Variants in LDLRAD3 observed in about 807,000 individuals in gnomAD.
LDLRAD3 encodes the protein low-density lipoprotein receptor class A domain-containing protein 3.
A neutral mutation model predicts 29.4 loss-of-function variants in LDLRAD3; 20 were observed. The observed-to-expected ratio is 0.68, with a 90% CI of 0.48 to 0.99. The LOEUF is 0.99. Among genes scored for constraint, LDLRAD3 ranks in the 50% least tolerant of loss-of-function variants. The probability of loss-of-function intolerance (pLI) is 0.00; values close to 1 mark genes in which losing one functional copy is unlikely to be tolerated. For missense variants in LDLRAD3, 420 were observed against 454.3 expected (o/e 0.92, Z 0.69); for synonymous variants, 157 against 192.7 (o/e 0.81, Z 1.53).
intron 1 of LDLRAD3, among the ~76,000 whole-genome samples, chr11:35,946,141 T>G (rs1035002428): frequency 6.6e-6 from 1 of 152,230 alleles, no homozygotes; most frequent in African/African-American, 2.4e-5. Context: ...TAATGTCAAC[T>G]AGATGCTCCT....
intron 1 of LDLRAD3, among the ~76,000 whole-genome samples, chr11:35,984,119 T>C (rs1483829079): frequency 6.6e-6 from 1 of 152,210 alleles, no homozygotes; most frequent in Non-Finnish European, 1.5e-5. Flanking sequence ...CATACTGATT[T>C]ACCTAGAGAT....
chr11:35,992,246 G>A (rs925240184), intron 1 of LDLRAD3, among the ~76,000 whole-genome samples: 8 of 152,142 alleles, frequency 5.3e-5, no homozygotes, highest in East Asian at 1.9e-4. Flanking sequence ...TCTTTATTTC[G>A]TTTTCCAAAG....
At chr11:36,197,171 G>A (rs1391947338) in intron 4 of LDLRAD3, 1 of 152,150 alleles carries the variant, frequency 6.6e-6, no homozygotes, top group African/African-American at 2.4e-5. Flanking sequence ...GTCTGAAAAA[G>A]AACACTTCTT....
intron 4 of LDLRAD3, among the ~76,000 whole-genome samples, chr11:36,131,817 A>T (rs1853929983): frequency 6.6e-6 from 1 of 152,330 alleles, no homozygotes; most frequent in African/African-American, 2.4e-5. Context: ...TCTATATCAC[A>T]CATCTTGCCT....
intron 4 of LDLRAD3, among the ~76,000 whole-genome samples, chr11:36,129,393 G>A (rs1053510224): frequency 2.0e-5 from 3 of 152,186 alleles, no homozygotes; most frequent in African/African-American, 7.2e-5. Context: ...ATCAGCCCCA[G>A]AGCCTTCATC....
At chr11:36,185,253 T>C (rs1006833390) in intron 4 of LDLRAD3, among the ~76,000 whole-genome samples, 2 of 150,622 alleles carry the variant, frequency 1.3e-5, no homozygotes, top group African/African-American at 5.0e-5. Flanking sequence ...TCACCTTTGT[T>C]CTCCCTAGAG....
intron 1 of LDLRAD3, among the ~76,000 whole-genome samples, chr11:36,031,215 C>T (rs907971038): frequency 1.3e-5 from 2 of 152,118 alleles, no homozygotes; most frequent in African/African-American, 4.8e-5. Context: ...CCCCAGCTAG[C>T]CAACTTCGTG....
At chr11:36,089,147 GTA>G (rs555843973) in intron 3 of LDLRAD3, among the ~76,000 whole-genome samples, 193 of 152,296 alleles carry the variant, frequency 1.3e-3, no homozygotes, top group South Asian at 6.8e-3. Flanking sequence ...TGACTTGCCT[GTA>G]TAGTATACAA....
At chr11:36,036,767 C>A (rs970618480) in intron 2 of LDLRAD3, among the ~76,000 whole-genome samples, 9 of 152,146 alleles carry the variant, frequency 5.9e-5, no homozygotes, top group African/African-American at 1.9e-4. Flanking sequence ...TTTCCCATCC[C>A]CTTTTCTCTG....
At chr11:36,191,570 C>CTATATA (rs1406416790) in intron 4 of LDLRAD3, among the ~76,000 whole-genome samples, 4 of 78,290 alleles carry the variant, frequency 5.1e-5, no homozygotes, top group East Asian at 3.6e-4. Context: ...CTCTCTCTCT[C>CTATATA]TCTCTCTATA....
At chr11:36,176,079 C>A (rs1409297032) in intron 4 of LDLRAD3, among the ~76,000 whole-genome samples, 2 of 152,052 alleles carry the variant, frequency 1.3e-5, no homozygotes, top group Non-Finnish European at 1.5e-5. Flanking sequence ...TCTTTTTTAA[C>A]TATTGTTGCT....
chr11:36,194,287 G>T (rs950328897), intron 4 of LDLRAD3, among the ~76,000 whole-genome samples: 3 of 152,276 alleles, frequency 2.0e-5, no homozygotes, highest in Non-Finnish European at 4.4e-5. Context: ...GTCCATGATG[G>T]ATTAGTAGGG....
intron 1 of LDLRAD3, among the ~76,000 whole-genome samples, chr11:36,021,438 A>G (rs779197872): frequency 2.8e-4 from 43 of 152,240 alleles, no homozygotes; most frequent in Non-Finnish European, 4.3e-4. Flanking sequence ...AGGGTGGCCA[A>G]GGGAATGGAG....
Position 36,139,614 on chromosome 11 carries a change from C to T in LDLRAD3, c.454+41153C>T, listed in dbSNP as rs1048282882. Among the ~76,000 whole-genome samples, 6 of 152,092 alleles carry T rather than the reference C, an allele frequency of 3.9e-5. No homozygotes were observed. In the South Asian group the frequency reaches 6.2e-4, roughly 16 times the overall value. Reference sequence around the variant, plus strand: ...CAGGAAAGATATCTGAGGCTCAGAGCGGGTAAGTAACTTACCCGTAGTCAC... The same window carrying T: ...CAGGAAAGATATCTGAGGCTCAGAGTGGGTAAGTAACTTACCCGTAGTCAC... On this transcript the variant is annotated intron_variant, in intron 4 of 5. Coordinates refer to ENST00000315571, the MANE Select transcript of LDLRAD3 (RefSeq NM_174902.4).
intron 2 of LDLRAD3, among the ~76,000 whole-genome samples, chr11:36,052,871 G>A (rs1303019368): frequency 1.3e-5 from 2 of 152,064 alleles, no homozygotes; most frequent in African/African-American, 2.4e-5. Flanking sequence ...GAGAAATGCT[G>A]CCCAGGTCCT....
rs549701994 is a variant in LDLRAD3, at chr11:36,109,019, G to A, written c.454+10558G>A. Among the ~76,000 whole-genome samples, 5 of 143,546 alleles carry A rather than the reference G, an allele frequency of 3.5e-5. No homozygotes were observed. In the South Asian group the frequency reaches 1.0e-3, roughly 30 times the overall value. The allele number at this position is 143,546 out of a possible 152,430, so 94.2% of individuals were successfully genotyped here. A position where few individuals can be genotyped will look rare whatever the true frequency, so the allele number is the denominator to read the frequency against. On this transcript the variant is annotated intron_variant, in intron 4 of 5. Coordinates refer to ENST00000315571, the MANE Select transcript of LDLRAD3 (RefSeq NM_174902.4). ...TCACTGAAGGCAGGCCAGGAGGATG[G>A]TGGAGGATGGTGGAGGATGAGGAAC...
intron 1 of LDLRAD3, among the ~76,000 whole-genome samples, chr11:35,951,964 A>C (rs1330032333): frequency 6.6e-6 from 1 of 152,198 alleles, no homozygotes; most frequent in East Asian, 1.9e-4. Flanking sequence ...CATCAAATAA[A>C]AGTGTCTTCT....
chr11:35,944,068 G>C lies in LDLRAD3; in HGVS notation c.-31G>C, dbSNP rs1419811579. On this transcript the variant is annotated 5_prime_UTR_variant, in exon 1 of 6. Transcript: ENST00000315571. This position sits in a 1 kb window ranked among gnomAD's most constrained non-coding sequence, Gnocchi z 4.9. ...GCGCCGAGGCCGCGGGGGCAGCAAC[G>C]ACGCCGGGCAGCGGGAGCGGCGGCC... The C allele has an allele frequency of 1.9e-6, 2 of 1,076,838 alleles. No individual in the cohort carries two copies. Among genetic ancestry groups the C allele is most frequent in the Non-Finnish European group, 2.2e-6 (2 of 889,324 alleles). 66.7% of individuals were successfully genotyped at this position (1,076,838 alleles called of 1,614,324 possible).
intron 1 of LDLRAD3, among the ~76,000 whole-genome samples, chr11:36,001,476 C>A (rs1176892464): frequency 6.6e-6 from 1 of 152,054 alleles, no homozygotes; most frequent in Non-Finnish European, 1.5e-5. Context: ...TGTATGTTTA[C>A]CTGAGTAGTT....
Sources: allele counts gnomAD v4.1 joint callset (sites outside exome capture counted in the v4.1 genomes callset), GRCh38; gene constraint gnomAD v4.1.1; non-coding constraint Gnocchi (gnomAD v3.1); transcripts MANE v1.5; gene names NCBI Gene and HGNC (gene_info 2026-07-23, HGNC 2026-07-21).